The following AFG2B variants were observed in gnomAD, a reference collection of about 807,000 sequenced individuals.
AFG2B encodes the protein AAA ATPase AFG2B.
At chr15:45,402,805 C>G in the AFG2B span, 8 of 1,594,974 alleles carry the variant, frequency 5.0e-6, no homozygotes, top group Admixed American at 5.0e-5. Flanking sequence ...GCCCGGTGCC[C>G]GGAATACAGC....
At chr15:45,417,492 C>T in the AFG2B span, 3 of 1,346,970 alleles carry the variant, frequency 2.2e-6, no homozygotes, top group Non-Finnish European at 3.0e-6. Flanking sequence ...ACCCTGGGTT[C>T]CGCCTTCTTC....
the AFG2B span, among the ~76,000 whole-genome samples, chr15:45,418,891 A>G: frequency 1.3e-5 from 2 of 152,172 alleles, no homozygotes; most frequent in African/African-American, 2.4e-5. Context: ...TGAGTTGGCA[A>G]TTGAAAATAT....
At chr15:45,405,167 G>A in the AFG2B span, among the ~76,000 whole-genome samples, 3 of 152,104 alleles carry the variant, frequency 2.0e-5, no homozygotes, top group African/African-American at 7.2e-5. Flanking sequence ...GTACCCATGA[G>A]CCAACCTGTC....
chr15:45,415,437 G>T, the AFG2B span: 3 of 629,278 alleles, frequency 4.8e-6, no homozygotes, highest in Non-Finnish European at 7.9e-6. Context: ...GGCAGAAGTT[G>T]CAGTGAGCTG....
At chr15:45,417,057 C>T in the AFG2B span, 1 of 485,508 alleles carries the variant, frequency 2.1e-6, no homozygotes, top group East Asian at 3.7e-5. Context: ...TAGCTACTCC[C>T]TTAGCCATGC....
At chr15:45,408,365 T>TTCTCTC in the AFG2B span, among the ~76,000 whole-genome samples, 1 of 151,934 alleles carries the variant, frequency 6.6e-6, no homozygotes, top group African/African-American at 2.4e-5. Flanking sequence ...CCTCTTCTCT[T>TTCTCTC]TCTCTCTCTC....
At chr15:45,404,864 A>C in the AFG2B span, among the ~76,000 whole-genome samples, 5 of 152,032 alleles carry the variant, frequency 3.3e-5, no homozygotes, top group African/African-American at 1.2e-4. Context: ...ACATATATAA[A>C]ATTTTTTTGG....
At chr15:45,413,673 A>G in the AFG2B span, among the ~76,000 whole-genome samples, 2 of 152,106 alleles carry the variant, frequency 1.3e-5, no homozygotes, top group Non-Finnish European at 2.9e-5. Context: ...ATTTCCTTCC[A>G]GTCCATTCTC....
the AFG2B span, chr15:45,417,640 ACTCAGC>A: frequency 1.3e-5 from 5 of 385,220 alleles, no homozygotes; most frequent in South Asian, 2.1e-4. Context: ...TACTGAGTCT[ACTCAGC>A]GTTATTTTGC....
chr15:45,408,917 A>G, the AFG2B span, among the ~76,000 whole-genome samples: 1 of 152,132 alleles, frequency 6.6e-6, no homozygotes, highest in African/African-American at 2.4e-5. Context: ...TCCCCTCAAC[A>G]TAGCATCCAA....
the AFG2B span, chr15:45,403,057 G>A: frequency 6.5e-7 from 1 of 1,548,094 alleles, no homozygotes; most frequent in Non-Finnish European, 8.7e-7. Context: ...GGAGGCGGCC[G>A]ACTCGCTGCG....
At chr15:45,407,099 C>T in the AFG2B span, 1 of 1,289,160 alleles carries the variant, frequency 7.8e-7, no homozygotes, top group Middle Eastern at 2.1e-4. Flanking sequence ...GGGTGGAGCC[C>T]ACTGCTACTT....
the AFG2B span, chr15:45,417,029 T>TA: frequency 1.1e-5 from 4 of 370,976 alleles, no homozygotes; most frequent in Admixed American, 1.6e-4. Flanking sequence ...TAGGTTCTCA[T>TA]ATGGAGAATG....
chr15:45,417,314 CA>C, the AFG2B span: 6 of 1,613,898 alleles, frequency 3.7e-6, no homozygotes, highest in Non-Finnish European at 5.1e-6. Context: ...ATTGCAGCAA[CA>C]AATAGACCTG....
At chr15:45,402,547 G>A in the AFG2B span, 8 of 1,592,262 alleles carry the variant, frequency 5.0e-6, no homozygotes, top group East Asian at 1.9e-4. Context: ...CCACGCCCTG[G>A]GCGCGCGCTT....
chr15:45,418,799 C>G, the AFG2B span: 1 of 1,326,648 alleles, frequency 7.5e-7, no homozygotes, highest in Non-Finnish European at 1.0e-6. Context: ...GTGAAACAGA[C>G]AGATGTGGCC....
At chr15:45,415,695 C>T in the AFG2B span, 59 of 1,613,896 alleles carry the variant, frequency 3.7e-5, no homozygotes, top group Non-Finnish European at 5.0e-5. Flanking sequence ...TGTTCAAGAA[C>T]GAGTTCTTTC....
chr15:45,416,178 C>T, the AFG2B span, among the ~76,000 whole-genome samples: 3 of 152,226 alleles, frequency 2.0e-5, no homozygotes, highest in Non-Finnish European at 4.4e-5. Context: ...GTAATCCCAG[C>T]ACTTTGGGAG....
At chr15:45,404,808 A>G in the AFG2B span, among the ~76,000 whole-genome samples, 8 of 56,238 alleles carry the variant, frequency 1.4e-4, no homozygotes, top group Admixed American at 1.5e-3. Context: ...ACTGTGTCTC[A>G]AAAAAAAAAA....
Sources: gnomAD v4.1 joint callset for allele counts (sites outside exome capture counted in the v4.1 genomes callset) on GRCh38, gnomAD v4.1.1 for gene constraint, MANE v1.5 for transcripts, NCBI Gene and HGNC (gene_info 2026-07-23, HGNC 2026-07-21) for gene names.